The following PSD3 variants were observed in gnomAD, a reference collection of about 807,000 sequenced individuals.
The protein encoded by PSD3 is pleckstrin and Sec7 domain containing 3, also known as PH and SEC7 domain-containing protein 3.
In PSD3, 49 loss-of-function variants were observed where a neutral mutation model predicts 105.5. The ratio of observed to expected loss-of-function variants is 0.46; its 90% CI spans 0.37 to 0.59. The LOEUF (loss-of-function observed/expected upper bound fraction) is 0.59. Among genes scored for constraint, PSD3 ranks in the 20% least tolerant of loss-of-function variants. The pLI is 0.00. For missense variants in PSD3, 1,561 were observed against 1,263.8 expected (o/e 1.24, Z -3.57); for synonymous variants, 557 against 457.8 (o/e 1.22, Z -2.77).
intron 9 of PSD3, among the ~76,000 whole-genome samples, chr8:18,755,121 T>C (rs181295292): frequency 4.0e-4 from 61 of 152,230 alleles, no homozygotes; most frequent in African/African-American, 1.4e-3. Context: ...TGGACTGTTA[T>C]GACACTTTAA....
intron 1 of PSD3, among the ~76,000 whole-genome samples, chr8:19,026,597 G>A (rs1385055452): frequency 6.7e-6 from 1 of 149,492 alleles, no homozygotes; most frequent in Non-Finnish European, 1.5e-5. Context: ...AGGTGTGGTG[G>A]CTCATGCCTA....
upstream of PSD3, among the ~76,000 whole-genome samples, chr8:19,015,503 T>C (rs150185743): frequency 5.9e-5 from 9 of 152,352 alleles, no homozygotes; most frequent in South Asian, 1.4e-3. Flanking sequence ...GACGGTTTTG[T>C]TGGCAAAGCA....
intron 9 of PSD3, among the ~76,000 whole-genome samples, chr8:18,723,546 G>T (rs1244211450): frequency 6.6e-6 from 1 of 152,068 alleles, no homozygotes; most frequent in East Asian, 1.9e-4. Context: ...AATACAAAAA[G>T]ACATATGACA....
intron 2 of PSD3, among the ~76,000 whole-genome samples, chr8:18,917,283 T>A (rs769576934): frequency 6.6e-6 from 1 of 152,170 alleles, no homozygotes; most frequent in Non-Finnish European, 1.5e-5. Context: ...TACCCCACTA[T>A]CCATTTCTCC....
intron 9 of PSD3, among the ~76,000 whole-genome samples, chr8:18,736,984 AC>A (rs1401021855): frequency 1.4e-4 from 21 of 152,212 alleles, no homozygotes; most frequent in African/African-American, 4.8e-4. Context: ...GGACTAGATG[AC>A]ATAAAAAAAT....
chr8:18,575,359 C>G, intron 12 of PSD3, 74 bp from the exon 13 acceptor site: 2 of 1,371,338 alleles, frequency 1.5e-6, no homozygotes, highest in Non-Finnish European at 1.9e-6. Flanking sequence ...AAAGCAAAAA[C>G]TAAAAAAATA....
chr8:18,803,781 G>T (rs1245390470), intron 6 of PSD3, among the ~76,000 whole-genome samples: 1 of 149,858 alleles, frequency 6.7e-6, no homozygotes, highest in Non-Finnish European at 1.5e-5. Flanking sequence ...GAAAGGAGGG[G>T]AAGGAAAAAA....
intron 11 of PSD3, among the ~76,000 whole-genome samples, chr8:18,612,157 T>A (rs117581990): frequency 1.4e-5 from 2 of 143,124 alleles, no homozygotes; most frequent in Non-Finnish European, 3.1e-5. Flanking sequence ...CCTACTAAAT[T>A]TCTTTGTTTC....
chr8:18,788,537 C>A (rs2129446034), intron 8 of PSD3, among the ~76,000 whole-genome samples: 1 of 152,294 alleles, frequency 6.6e-6, no homozygotes, highest in South Asian at 2.1e-4. Flanking sequence ...GGAAAGCTGA[C>A]AACAGCATAT....
chr8:19,011,141 CTT>C (rs1826932462), intron 1 of PSD3, among the ~76,000 whole-genome samples: 1 of 152,170 alleles, frequency 6.6e-6, no homozygotes, highest in Non-Finnish European at 1.5e-5. Context: ...CAAAGACACT[CTT>C]TTCATAATGT....
intron 9 of PSD3, among the ~76,000 whole-genome samples, chr8:18,719,193 T>C (rs1802790492): frequency 6.6e-6 from 1 of 152,162 alleles, no homozygotes; most frequent in Non-Finnish European, 1.5e-5. Flanking sequence ...CCCTGGAAGA[T>C]GGGTATGAGT....
At chr8:18,617,142 T>A (rs1805753490) in intron 11 of PSD3, among the ~76,000 whole-genome samples, 1 of 152,212 alleles carries the variant, frequency 6.6e-6, no homozygotes, top group African/African-American at 2.4e-5. Flanking sequence ...GGGGAAGTTT[T>A]TTTCCTGGAT....
intron 1 of PSD3, among the ~76,000 whole-genome samples, chr8:18,991,478 C>T (rs1825803806): frequency 1.3e-5 from 2 of 152,028 alleles, no homozygotes; most frequent in East Asian, 1.9e-4. Context: ...CTGTGACCTA[C>T]AGGCAGGGCC....
chr8:18,650,845 T>A (rs1366288197), intron 10 of PSD3, among the ~76,000 whole-genome samples: 3 of 152,182 alleles, frequency 2.0e-5, no homozygotes, highest in Non-Finnish European at 2.9e-5. Flanking sequence ...ACATTCAGAC[T>A]CACTCTCTGC....
intron 9 of PSD3, among the ~76,000 whole-genome samples, chr8:18,703,095 T>C (rs147614260): frequency 1.4e-4 from 22 of 152,264 alleles, no homozygotes; most frequent in African/African-American, 5.3e-4. Context: ...TTTGAGAGTG[T>C]CGAGAGCTGA....
At chr8:18,868,115 C>A (rs763035087) in intron 3 of PSD3, 46 bp from the exon 4 acceptor site, 5 of 1,521,176 alleles carry the variant, frequency 3.3e-6, no homozygotes, top group Non-Finnish European at 4.4e-6. Context: ...AGGTTAATGT[C>A]TTTATTTCTC....
intron 11 of PSD3, among the ~76,000 whole-genome samples, chr8:18,607,293 C>T (rs1804908361): frequency 6.6e-6 from 1 of 152,154 alleles, no homozygotes; most frequent in East Asian, 1.9e-4. Context: ...GAATAGTTAT[C>T]TAATATTACT....
At chr8:19,046,635 G>T (rs1393385989) in intron 1 of PSD3, among the ~76,000 whole-genome samples, 1 of 152,150 alleles carries the variant, frequency 6.6e-6, no homozygotes, top group African/African-American at 2.4e-5. Context: ...ACTTTGCCTT[G>T]AGTTTCCAAG....
At chr8:18,787,721 C>T (rs1188332357) in intron 8 of PSD3, among the ~76,000 whole-genome samples, 4 of 152,076 alleles carry the variant, frequency 2.6e-5, no homozygotes, top group African/African-American at 7.2e-5. Flanking sequence ...AAGATGTTTT[C>T]TCTGTTTGTG....
Sources: gnomAD v4.1 joint callset for allele counts (sites outside exome capture counted in the v4.1 genomes callset) on GRCh38, gnomAD v4.1.1 for gene constraint, MANE v1.5 for transcripts, NCBI Gene and HGNC (gene_info 2026-07-23, HGNC 2026-07-21) for gene names.